The following MBD5 variants were observed in gnomAD, a reference collection of about 807,000 sequenced individuals.
MBD5 encodes the protein methyl-CpG-binding domain protein 5.
MBD5 carries 13 observed loss-of-function variants against 117.3 expected under a neutral mutation model. The observed-to-expected ratio is 0.11, with a 90% CI of 0.07 to 0.18. MBD5 has a LOEUF of 0.18. MBD5 is among the 10% of genes least tolerant of loss of function. The pLI, the probability that MBD5 is intolerant of heterozygous loss-of-function variation, is 1.00. For missense variants in MBD5, 1,879 were observed against 2,093.8 expected, an observed-to-expected ratio of 0.90 and a Z score of 2.00; for synonymous variants, 727 against 766.4, an observed-to-expected ratio of 0.95 and a Z score of 0.85.
chr2:148,216,335 A>G (rs1176974652), intron 2 of MBD5, among the ~76,000 whole-genome samples: 1 of 152,226 alleles, frequency 6.6e-6, no homozygotes, highest in African/African-American at 2.4e-5. Context: ...ATTATTTGGT[A>G]TGGGGATGAG....
intron 2 of MBD5, among the ~76,000 whole-genome samples, chr2:148,218,436 C>T (rs1466550550): frequency 3.3e-5 from 5 of 152,112 alleles, no homozygotes; most frequent in Admixed American, 1.3e-4. Context: ...GTTACATAGC[C>T]GAGCCCAAAG....
intron 1 of MBD5, among the ~76,000 whole-genome samples, chr2:148,136,414 T>C (rs1404216605): frequency 6.6e-6 from 1 of 152,076 alleles, no homozygotes; most frequent in African/African-American, 2.4e-5. Context: ...GAAGAAAAAC[T>C]TCAGGAAATT....
chr2:148,484,620 G>A (rs1348923507), intron 9 of MBD5, among the ~76,000 whole-genome samples: 1 of 152,140 alleles, frequency 6.6e-6, no homozygotes, highest in Non-Finnish European at 1.5e-5. Context: ...CAAGAAACAA[G>A]ATGTAAAAAC....
chr2:148,465,468 T>A (rs2105596842), intron 7 of MBD5, among the ~76,000 whole-genome samples: 1 of 152,176 alleles, frequency 6.6e-6, no homozygotes, highest in South Asian at 2.1e-4. Flanking sequence ...CACCAAAGCA[T>A]TTGTTTATGA....
rs565940261 is a variant in MBD5 at position 148,168,422 on chromosome 2, T to G, written c.-924-10278T>G. ...AAATGTAGGCAATTCCCGTTGGTAG[T>G]CATAATGAGAAAAAGAGGAATATGA... On this transcript the variant is annotated intron_variant, in intron 1 of 13. Transcript: ENST00000642680. 3.3e-5 allele frequency among the ~76,000 whole-genome samples: 5 copies of G among 152,240 alleles called. No individual in the cohort carries two copies. In the South Asian group the frequency reaches 1.0e-3, roughly 32 times the overall value.
chr2:148,432,357 G>T (rs1348832754), intron 4 of MBD5, among the ~76,000 whole-genome samples: 1 of 152,130 alleles, frequency 6.6e-6, no homozygotes, highest in Non-Finnish European at 1.5e-5. Flanking sequence ...CTGTGCAGAA[G>T]CTCGTTAGTT....
At chr2:148,089,676 TG>T (rs1695886518) in intron 1 of MBD5, among the ~76,000 whole-genome samples, 1 of 152,106 alleles carries the variant, frequency 6.6e-6, no homozygotes, top group Non-Finnish European at 1.5e-5. Context: ...TCAAAACCTC[TG>T]GGACACAGGA....
intron 1 of MBD5, among the ~76,000 whole-genome samples, chr2:148,060,037 G>T (rs1010292534): frequency 1.4e-5 from 2 of 139,166 alleles, no homozygotes; most frequent in African/African-American, 5.3e-5. Context: ...TGTAATCCCA[G>T]CATTTTAGGA....
At chr2:148,101,099 T>C in intron 1 of MBD5, among the ~76,000 whole-genome samples, 1 of 152,204 alleles carries the variant, frequency 6.6e-6, no homozygotes, top group Admixed American at 6.5e-5. Flanking sequence ...TTAAGGTATA[T>C]TGTAAATTTT....
intron 1 of MBD5, among the ~76,000 whole-genome samples, chr2:148,147,369 G>A (rs1008833349): frequency 3.3e-5 from 5 of 151,306 alleles, no homozygotes; most frequent in Non-Finnish European, 7.4e-5. Flanking sequence ...CAGCCCCCGA[G>A]AAGCTGGGAC....
At chr2:148,308,055 G>T (rs952293799) in intron 3 of MBD5, among the ~76,000 whole-genome samples, 3 of 152,088 alleles carry the variant, frequency 2.0e-5, no homozygotes, top group Non-Finnish European at 2.9e-5. Flanking sequence ...TGGGCATTTG[G>T]GTTGGTTCCA....
chr2:148,160,940 G>A (rs765588394), intron 1 of MBD5, among the ~76,000 whole-genome samples: 4 of 152,222 alleles, frequency 2.6e-5, no homozygotes, highest in Non-Finnish European at 5.9e-5. Flanking sequence ...TGCTTTGCAC[G>A]TAGTAGGAGT....
chr2:148,145,769 G>A lies in MBD5; in HGVS notation c.-924-32931G>A, dbSNP rs147137156. ...TTACATTTATTGATTTGCATATGTC[G>A]AACCAGCCTTGCATCCCAGGGATGA... On this transcript the variant is annotated intron_variant, in intron 1 of 13. Coordinates refer to ENST00000642680, the MANE Select transcript of MBD5 (RefSeq NM_001378120.1). Among the ~76,000 whole-genome samples, 59 of 152,196 alleles carry A rather than the reference G, an allele frequency of 3.9e-4. 1 individual carries two copies. In the East Asian group the frequency reaches 0.01, roughly 26 times the overall value.
chr2:148,288,399 C>CAAAAAAAAAAA (rs569673565), intron 3 of MBD5, among the ~76,000 whole-genome samples: 4 of 37,796 alleles, frequency 1.1e-4, no homozygotes, highest in Middle Eastern at 0.018. Context: ...GACTCCGTCT[C>CAAAAAAAAAAA]AAAAAAAAAA....
chr2:148,209,160 CAT>C (rs1168399903), intron 2 of MBD5, among the ~76,000 whole-genome samples: 1 of 152,160 alleles, frequency 6.6e-6, no homozygotes, highest in Non-Finnish European at 1.5e-5. Flanking sequence ...GAATTTGCTA[CAT>C]ATGATCATTT....
chr2:148,184,249 G>A (rs1430690720), intron 2 of MBD5, among the ~76,000 whole-genome samples: 1 of 152,106 alleles, frequency 6.6e-6, no homozygotes, highest in Non-Finnish European at 1.5e-5. Flanking sequence ...CTGACCTCAA[G>A]TGGTCCTCCC....
chr2:148,185,290 C>T (rs1326133781), intron 2 of MBD5, among the ~76,000 whole-genome samples: 1 of 152,128 alleles, frequency 6.6e-6, no homozygotes, highest in Non-Finnish European at 1.5e-5. Context: ...TGGGAGTTTT[C>T]GGGTTTTCTT....
At chr2:148,066,321 GTCAA>G (rs1184553072) in intron 1 of MBD5, among the ~76,000 whole-genome samples, 1 of 151,906 alleles carries the variant, frequency 6.6e-6, no homozygotes, top group Non-Finnish European at 1.5e-5. Flanking sequence ...CAGTCAGTCA[GTCAA>G]TCAATCAATA....
intron 11 of MBD5, among the ~76,000 whole-genome samples, chr2:148,502,018 G>A (rs1235848350): frequency 6.6e-6 from 1 of 152,150 alleles, no homozygotes; most frequent in Non-Finnish European, 1.5e-5. Context: ...ACTTTGATCT[G>A]TTGGCCCAAG....
Sources: allele counts gnomAD v4.1 joint callset (sites outside exome capture counted in the v4.1 genomes callset), GRCh38; gene constraint gnomAD v4.1.1; transcripts MANE v1.5; gene names NCBI Gene and HGNC (gene_info 2026-07-23, HGNC 2026-07-21).